Variants in ATOSA observed in about 807,000 individuals in gnomAD.
The protein encoded by ATOSA is atos homolog protein A.
At chr15:52,637,176 T>C in the ATOSA span, among the ~76,000 whole-genome samples, 4 of 152,150 alleles carry the variant, frequency 2.6e-5, no homozygotes, top group African/African-American at 2.4e-5. Flanking sequence ...CAAAGTCCTA[T>C]GGGCTTTAAT....
At chr15:52,690,189 A>ATCC in the ATOSA span, among the ~76,000 whole-genome samples, 5 of 152,234 alleles carry the variant, frequency 3.3e-5, no homozygotes, top group Non-Finnish European at 5.9e-5. Context: ...GATTCCCTAT[A>ATCC]CATATGTCAG....
the ATOSA span, among the ~76,000 whole-genome samples, chr15:52,648,161 T>C: frequency 6.6e-6 from 1 of 152,150 alleles, no homozygotes; most frequent in Admixed American, 6.6e-5. Context: ...AATTAATAAG[T>C]AGTAATGAAT....
chr15:52,629,384 G>T, the ATOSA span, among the ~76,000 whole-genome samples: 1 of 151,910 alleles, frequency 6.6e-6, no homozygotes, highest in Non-Finnish European at 1.5e-5. Flanking sequence ...TTATCTTGGG[G>T]TTCACTCAGG....
chr15:52,649,154 C>T, the ATOSA span, among the ~76,000 whole-genome samples: 61 of 152,180 alleles, frequency 4.0e-4, no homozygotes, highest in East Asian at 3.5e-3. Context: ...AAAACACTGT[C>T]GATATGTGAA....
chr15:52,614,747 C>A, the ATOSA span, among the ~76,000 whole-genome samples: 1,532 of 151,882 alleles, frequency 0.01, 25 homozygotes, highest in African/African-American at 0.036. Context: ...ACTCAGGAGG[C>A]TGAGGCAGGA....
At chr15:52,634,304 G>T in the ATOSA span, among the ~76,000 whole-genome samples, 1 of 152,054 alleles carries the variant, frequency 6.6e-6, no homozygotes, top group East Asian at 1.9e-4. Flanking sequence ...GGTGGTGTAA[G>T]CCTGTAATCC....
At chr15:52,668,442 T>TA in the ATOSA span, among the ~76,000 whole-genome samples, 4 of 152,168 alleles carry the variant, frequency 2.6e-5, no homozygotes, top group African/African-American at 9.7e-5. Context: ...GATCAACAGA[T>TA]ACAAAATTAC....
At chr15:52,670,143 A>G in the ATOSA span, among the ~76,000 whole-genome samples, 4 of 152,200 alleles carry the variant, frequency 2.6e-5, no homozygotes, top group African/African-American at 9.7e-5. Flanking sequence ...ATGTTATTGT[A>G]TATTTCAGAA....
At chr15:52,668,195 G>A in the ATOSA span, among the ~76,000 whole-genome samples, 221 of 152,180 alleles carry the variant, frequency 1.5e-3, 1 homozygote, top group South Asian at 0.012. Flanking sequence ...ACACACGTGC[G>A]CACACACATA....
At chr15:52,703,647 G>A in the ATOSA span, among the ~76,000 whole-genome samples, 3 of 151,998 alleles carry the variant, frequency 2.0e-5, no homozygotes, top group Admixed American at 1.3e-4. Context: ...TTGCAGTATA[G>A]GAGATTAGTT....
At chr15:52,601,784 T>C in the ATOSA span, among the ~76,000 whole-genome samples, 3 of 151,622 alleles carry the variant, frequency 2.0e-5, no homozygotes, top group Admixed American at 6.6e-5. Flanking sequence ...TAAAATCATA[T>C]ACAAGTTAGA....
At chr15:52,648,347 C>A in the ATOSA span, among the ~76,000 whole-genome samples, 1 of 151,948 alleles carries the variant, frequency 6.6e-6, no homozygotes, top group Non-Finnish European at 1.5e-5. Context: ...TATTGATATA[C>A]CACAGTTGTA....
chr15:52,612,798 C>T, the ATOSA span, among the ~76,000 whole-genome samples: 1 of 152,106 alleles, frequency 6.6e-6, no homozygotes, highest in Non-Finnish European at 1.5e-5. Flanking sequence ...CCACTGCGCC[C>T]AGCCTCAAAA....
chr15:52,661,221 C>T, the ATOSA span, among the ~76,000 whole-genome samples: 1 of 152,142 alleles, frequency 6.6e-6, no homozygotes, highest in African/African-American at 2.4e-5. Context: ...CTACTTATTA[C>T]CATTCGACTT....
At chr15:52,635,161 T>C in the ATOSA span, among the ~76,000 whole-genome samples, 1 of 152,142 alleles carries the variant, frequency 6.6e-6, no homozygotes, top group South Asian at 2.1e-4. Context: ...CAAAGACCAA[T>C]GGAATTTTAA....
chr15:52,660,590 T>G, the ATOSA span, among the ~76,000 whole-genome samples: 1 of 152,236 alleles, frequency 6.6e-6, no homozygotes, highest in African/African-American at 2.4e-5. Flanking sequence ...ACTGAAGAAA[T>G]GCTAATTTAT....
the ATOSA span, among the ~76,000 whole-genome samples, chr15:52,665,608 T>C: frequency 3.3e-5 from 5 of 152,324 alleles, no homozygotes; most frequent in South Asian, 2.1e-4. Flanking sequence ...AATGTTTGTA[T>C]ATACTTTGAT....
chr15:52,644,435 T>C, the ATOSA span, among the ~76,000 whole-genome samples: 2 of 152,228 alleles, frequency 1.3e-5, no homozygotes, highest in Non-Finnish European at 2.9e-5. Context: ...TGACATCTTA[T>C]ACTTTTCCTT....
the ATOSA span, among the ~76,000 whole-genome samples, chr15:52,594,628 A>G: frequency 7.9e-5 from 12 of 152,290 alleles, no homozygotes; most frequent in East Asian, 2.1e-3. Flanking sequence ...CTGGGTCACA[A>G]TCAACCTTCT....
Sources: allele counts gnomAD v4.1 joint callset (sites outside exome capture counted in the v4.1 genomes callset), GRCh38; gene constraint gnomAD v4.1.1; transcripts MANE v1.5; gene names NCBI Gene and HGNC (gene_info 2026-07-23, HGNC 2026-07-21).